Variants in RAD51B observed in about 807,000 individuals in gnomAD.
The protein encoded by RAD51B is RAD51 paralog B, also known as DNA repair protein RAD51 homolog 2.
Under a neutral mutation model 42.2 loss-of-function variants are expected in RAD51B, and 38 were observed. The ratio of observed to expected loss-of-function variants is 0.90; its 90% CI spans 0.70 to 1.18. The LOEUF is 1.18. Ranked by LOEUF, RAD51B falls within the 50% of genes most tolerant of loss-of-function variation. RAD51B has a pLI of 0.00. For synonymous variants in RAD51B, 154 were observed against 145.2 expected, an observed-to-expected ratio of 1.06 and a Z score of -0.43; for missense variants, 373 against 400.7, an observed-to-expected ratio of 0.93 and a Z score of 0.59.
At chr14:68,470,118 A>C (rs979363622) in intron 10 of RAD51B, among the ~76,000 whole-genome samples, 4 of 152,356 alleles carry the variant, frequency 2.6e-5, no homozygotes, top group Admixed American at 6.5e-5. Context: ...GTGGATCACT[A>C]AAGGAGGCTG....
chr14:68,491,964 G>A (rs890230879), intron 10 of RAD51B, among the ~76,000 whole-genome samples: 3 of 152,196 alleles, frequency 2.0e-5, no homozygotes, highest in South Asian at 2.1e-4. Flanking sequence ...CGATTCCAGC[G>A]GCACCTGCTT....
At chr14:68,598,585 G>A (rs139085995), downstream of RAD51B, among the ~76,000 whole-genome samples, 83 of 152,282 alleles carry the variant, frequency 5.5e-4, no homozygotes, top group Non-Finnish European at 8.8e-4. Flanking sequence ...AAATCCCACC[G>A]GGACTGTGTT....
At chr14:68,555,015 T>G (rs1888762386) in intron 10 of RAD51B, among the ~76,000 whole-genome samples, 1 of 152,088 alleles carries the variant, frequency 6.6e-6, no homozygotes, top group Non-Finnish European at 1.5e-5. Context: ...CACCCGACTA[T>G]TTTTATATTT....
intron 7 of RAD51B, among the ~76,000 whole-genome samples, chr14:68,244,214 A>G (rs1026512656): frequency 6.6e-6 from 1 of 152,186 alleles, no homozygotes; most frequent in African/African-American, 2.4e-5. Flanking sequence ...GAAAAAAAAA[A>G]TCTTAACGGG....
intron 10 of RAD51B, among the ~76,000 whole-genome samples, chr14:68,610,330 A>G (rs560087714): frequency 6.6e-5 from 10 of 152,208 alleles, no homozygotes; most frequent in African/African-American, 1.9e-4. Context: ...CGGTGTTGCT[A>G]TCTGAATTCA....
chr14:68,368,039 GA>G (rs2083178559), intron 8 of RAD51B, among the ~76,000 whole-genome samples: 1 of 152,160 alleles, frequency 6.6e-6, no homozygotes, highest in Admixed American at 6.5e-5. Flanking sequence ...AGAATTAGCA[GA>G]ATTCTGCTGT....
chr14:68,528,335 G>C (rs978271541), intron 10 of RAD51B, among the ~76,000 whole-genome samples: 5 of 152,182 alleles, frequency 3.3e-5, no homozygotes, highest in African/African-American at 4.8e-5. Context: ...AATTAACTCA[G>C]ATTTTGGGCA....
chr14:67,964,578 T>C (rs4902540), intron 7 of RAD51B, among the ~76,000 whole-genome samples: 41,895 of 152,106 alleles, frequency 0.28, 7,540 homozygotes, highest in African/African-American at 0.51. Context: ...TTTTTCTGTA[T>C]CTCCTCCTAA....
rs141436924 is a variant in RAD51B at position 67,834,119 on chromosome 14, C to G, written c.199-961C>G. 2.4e-4 allele frequency among the ~76,000 whole-genome samples: 37 copies of G among 152,214 alleles called. 1 individual carries two copies. In the East Asian group the frequency reaches 7.1e-3, roughly 29 times the overall value. On this transcript the variant is annotated intron_variant, in intron 3 of 10. Coordinates refer to ENST00000471583, the MANE Select transcript of RAD51B (RefSeq NM_133510.4). ...TCTCCAGAGGTTCTAGGGGATTATCCGTTCCTTGCCTCTTTCAGCTTTTGG... is the reference window on the plus strand; with the variant it reads ...TCTCCAGAGGTTCTAGGGGATTATCGGTTCCTTGCCTCTTTCAGCTTTTGG...
intron 7 of RAD51B, among the ~76,000 whole-genome samples, chr14:68,191,135 C>T (rs149493537): frequency 5.3e-5 from 8 of 152,108 alleles, no homozygotes; most frequent in Admixed American, 1.3e-4. Context: ...TTAGAGAAAT[C>T]GAGTGTTTTC....
intron 7 of RAD51B, among the ~76,000 whole-genome samples, chr14:67,948,423 C>G (rs1366241377): frequency 6.6e-6 from 1 of 152,134 alleles, no homozygotes; most frequent in Non-Finnish European, 1.5e-5. Flanking sequence ...TGCAACCCAG[C>G]AGCACTGTTA....
At chr14:68,497,481 A>G (rs1884612686) in intron 10 of RAD51B, 2 of 1,063,562 alleles carry the variant, frequency 1.9e-6, no homozygotes, top group African/African-American at 1.7e-5. Flanking sequence ...CGTGGAACAC[A>G]TAGGTTTTTT....
At chr14:67,946,542 A>G (rs1014411931) in intron 7 of RAD51B, among the ~76,000 whole-genome samples, 1 of 152,016 alleles carries the variant, frequency 6.6e-6, no homozygotes, top group Admixed American at 6.6e-5. Context: ...TGATTTTTGT[A>G]TTTTTAGTAG....
chr14:68,172,421 A>G (rs2078891291), intron 7 of RAD51B, among the ~76,000 whole-genome samples: 1 of 152,166 alleles, frequency 6.6e-6, no homozygotes, highest in Admixed American at 6.5e-5. Flanking sequence ...CTATTTTCTA[A>G]TTTGGAGAAT....
At chr14:68,665,911 A>G (rs992556015) in intron 11 of RAD51B, among the ~76,000 whole-genome samples, 1 of 152,236 alleles carries the variant, frequency 6.6e-6, no homozygotes, top group African/African-American at 2.4e-5. Flanking sequence ...GCCTAAGCCA[A>G]TCAGAGCATT....
intron 10 of RAD51B, chr14:68,497,093 C>G: frequency 7.3e-7 from 1 of 1,364,408 alleles, no homozygotes; most frequent in Non-Finnish European, 9.8e-7. Context: ...TTCTAGGTAT[C>G]TTGACACTCA....
At chr14:68,017,342 C>T (rs767104433) in intron 7 of RAD51B, among the ~76,000 whole-genome samples, 3 of 151,918 alleles carry the variant, frequency 2.0e-5, no homozygotes, top group South Asian at 2.1e-4. Flanking sequence ...ACTACAGGCA[C>T]GTGCCACCAT....
In RAD51B at chr14:68,517,718, A is replaced by T. The variant is rs368989493; in HGVS notation, c.1036+49468A>T. ...TGTAATCACCACCATTTATTGCATA[A>T]ACTAGAAAACATATCATTAGGTATC... On this transcript the variant is annotated intron_variant, in intron 10 of 10. Transcript: ENST00000487270. Among the ~76,000 whole-genome samples, 145 of 152,334 alleles carry T rather than the reference A, an allele frequency of 9.5e-4. 3 individuals are homozygous for T. In the East Asian group the frequency reaches 0.017, roughly 18 times the overall value.
intron 7 of RAD51B, among the ~76,000 whole-genome samples, chr14:68,213,167 T>C (rs1485454071): frequency 2.6e-5 from 4 of 152,194 alleles, no homozygotes; most frequent in Admixed American, 6.5e-5. Context: ...TCTGTGTAGG[T>C]TGATGGGCGG....
Sources: allele counts gnomAD v4.1 joint callset (sites outside exome capture counted in the v4.1 genomes callset), GRCh38; gene constraint gnomAD v4.1.1; transcripts MANE v1.5; gene names NCBI Gene and HGNC (gene_info 2026-07-23, HGNC 2026-07-21).